The following SUGCT variants were observed in gnomAD, a reference collection of about 807,000 sequenced individuals.
SUGCT encodes succinyl-CoA:glutarate-CoA transferase, also known as succinyl-CoA:glutarate CoA-transferase.
Under a neutral mutation model 55.0 loss-of-function variants are expected in SUGCT, and 41 were observed. The observed-to-expected ratio is 0.74, with a 90% confidence interval of 0.58 to 0.97. The LOEUF is 0.97. Among genes scored for constraint, SUGCT ranks in the 50% least tolerant of loss-of-function variants. The pLI is 0.00. For synonymous variants in SUGCT, 187 were observed against 200.4 expected (o/e 0.93, Z 0.56); for missense variants, 568 against 547.8 (o/e 1.04, Z -0.37).
the SUGCT span, among the ~76,000 whole-genome samples, chr7:40,990,755 T>C: frequency 8.5e-5 from 13 of 152,264 alleles, no homozygotes; most frequent in African/African-American, 3.1e-4. Context: ...CATCAGCCCT[T>C]GCTCCTTCAC....
chr7:40,274,736 C>G (rs1422108181), intron 8 of SUGCT, 80 bp downstream of exon 8: 1 of 1,319,270 alleles, frequency 7.6e-7, no homozygotes, highest in Admixed American at 1.9e-5. Context: ...ATTCTATGGT[C>G]ACATGTACAA....
At chr7:40,966,346 T>A in the SUGCT span, 1 of 152,222 alleles carries the variant, frequency 6.6e-6, no homozygotes, top group African/African-American at 2.4e-5. Flanking sequence ...CTGTTACATA[T>A]CATCCTCTGG....
At chr7:40,890,512 C>T in the SUGCT span, among the ~76,000 whole-genome samples, 2 of 151,924 alleles carry the variant, frequency 1.3e-5, no homozygotes, top group Non-Finnish European at 2.9e-5. Context: ...TCATCAGGCT[C>T]AGCCCAGTGG....
At chr7:40,572,408 G>A (rs1216173114) in intron 12 of SUGCT, among the ~76,000 whole-genome samples, 4 of 152,090 alleles carry the variant, frequency 2.6e-5, no homozygotes, top group South Asian at 4.1e-4. Flanking sequence ...CAGGTGGCTC[G>A]TGTTCCATTC....
At chr7:40,947,142 CT>C in the SUGCT span, among the ~76,000 whole-genome samples, 3 of 151,996 alleles carry the variant, frequency 2.0e-5, no homozygotes, top group African/African-American at 7.3e-5. Flanking sequence ...CTCTATTTTT[CT>C]TTCTGTTTTT....
chr7:40,231,530 T>A (rs779821244), intron 6 of SUGCT, among the ~76,000 whole-genome samples: 33 of 152,210 alleles, frequency 2.2e-4, no homozygotes, highest in Middle Eastern at 3.4e-3. Flanking sequence ...CTGAGGAGGA[T>A]GTAGTAGCAA....
intron 9 of SUGCT, among the ~76,000 whole-genome samples, chr7:40,441,329 C>T (rs1370394107): frequency 6.6e-6 from 1 of 152,046 alleles, no homozygotes; most frequent in Non-Finnish European, 1.5e-5. Context: ...ATTTTATCCT[C>T]CAGGCCTTAC....
At chr7:40,662,032 A>C (rs1801353082) in intron 12 of SUGCT, among the ~76,000 whole-genome samples, 1 of 152,228 alleles carries the variant, frequency 6.6e-6, no homozygotes. Flanking sequence ...ACTGACATGC[A>C]AAACAGAGCT....
chr7:40,733,259 G>A (rs992690870), intron 12 of SUGCT, among the ~76,000 whole-genome samples: 2 of 152,068 alleles, frequency 1.3e-5, no homozygotes, highest in Admixed American at 6.5e-5. Context: ...ACATGACTCA[G>A]CCCTTTCTCC....
chr7:40,174,647 A>G (rs1023521029), intron 1 of SUGCT, among the ~76,000 whole-genome samples: 1 of 152,166 alleles, frequency 6.6e-6, no homozygotes. Context: ...TGTCTCTCAA[A>G]ACATAAATAA....
the SUGCT span, among the ~76,000 whole-genome samples, chr7:40,885,292 G>A: frequency 6.6e-6 from 1 of 152,134 alleles, no homozygotes; most frequent in African/African-American, 2.4e-5. Context: ...ACCAGAGTTT[G>A]TTGGCCTCAC....
chr7:40,181,974 G>GCTA lies in SUGCT; in HGVS notation c.176_178dup (p.Thr59dup). 6.3e-7 allele frequency: 1 copy of GCTA among 1,598,196 alleles called. No homozygotes were observed. On this transcript the variant is annotated inframe_insertion, in exon 3 of 14. Transcript: ENST00000335693. ...TTGTAGAGTCCTGGCGGGACCTTTT[G>GCTA]CTACTATGAATTTAGGAGATCTTGG... is the stretch of plus-strand genomic sequence containing the variant.
At chr7:40,978,817 G>A in the SUGCT span, among the ~76,000 whole-genome samples, 18 of 152,166 alleles carry the variant, frequency 1.2e-4, no homozygotes, top group Non-Finnish European at 2.1e-4. Context: ...AGGGAGGCAC[G>A]AGTAAGGTCT....
At chr7:40,376,746 CT>C (rs58041869) in intron 9 of SUGCT, among the ~76,000 whole-genome samples, 3,286 of 148,112 alleles carry the variant, frequency 0.022, 106 homozygotes, top group African/African-American at 0.073. Flanking sequence ...TATAATCACT[CT>C]TTTTTTTTTT....
chr7:40,966,281 AGAG>A, the SUGCT span: 1 of 152,240 alleles, frequency 6.6e-6, no homozygotes, highest in Non-Finnish European at 1.5e-5. Flanking sequence ...AAAGGAGACC[AGAG>A]GAGAGGGCTC....
chr7:40,621,768 A>G (rs1185055778), intron 12 of SUGCT, among the ~76,000 whole-genome samples: 1 of 152,328 alleles, frequency 6.6e-6, no homozygotes, highest in African/African-American at 2.4e-5. Context: ...CTTTAAACCA[A>G]TGATTTCTCA....
intron 12 of SUGCT, among the ~76,000 whole-genome samples, chr7:40,710,238 C>G (rs1244959476): frequency 1.3e-5 from 2 of 152,202 alleles, no homozygotes; most frequent in Non-Finnish European, 2.9e-5. Flanking sequence ...CTCTTTCTCT[C>G]TCATTCTAGA....
At chr7:40,943,828 A>G in the SUGCT span, among the ~76,000 whole-genome samples, 25 of 151,968 alleles carry the variant, frequency 1.6e-4, no homozygotes, top group Admixed American at 1.6e-3. Flanking sequence ...TGGTATTTCT[A>G]GTTCTAGATC....
intron 12 of SUGCT, among the ~76,000 whole-genome samples, chr7:40,713,164 T>C (rs1201031945): frequency 6.6e-6 from 1 of 152,196 alleles, no homozygotes; most frequent in African/African-American, 2.4e-5. Context: ...GCAGAGTAGA[T>C]GCAAGGACAG....
Sources: allele counts gnomAD v4.1 joint callset (sites outside exome capture counted in the v4.1 genomes callset), GRCh38; gene constraint gnomAD v4.1.1; transcripts MANE v1.5; gene names NCBI Gene and HGNC (gene_info 2026-07-23, HGNC 2026-07-21).